Variants in ZNF532 observed in about 807,000 individuals in gnomAD.
The protein encoded by ZNF532 is zinc finger protein 532.
A neutral mutation model predicts 89.3 loss-of-function variants in ZNF532; 22 were observed. That is an observed-to-expected ratio of 0.25 (90% CI 0.18 to 0.35). ZNF532 has a LOEUF of 0.35. Ranked by LOEUF, ZNF532 falls within the 10% of genes least tolerant of loss-of-function variation. The pLI is 1.00. For missense variants in ZNF532, 1,132 were observed against 1,643.4 expected, an observed-to-expected ratio of 0.69 and a Z score of 5.38; for synonymous variants, 606 against 649.6, an observed-to-expected ratio of 0.93 and a Z score of 1.02.
intron 3 of ZNF532, among the ~76,000 whole-genome samples, chr18:58,933,556 T>C (rs2062131986): frequency 6.6e-6 from 1 of 152,196 alleles, no homozygotes; most frequent in Admixed American, 6.5e-5. Context: ...CTGAAAGTAT[T>C]TAAACACAGT....
chr18:58,939,961 T>C (rs1406624536), intron 5 of ZNF532: 4 of 164,198 alleles, frequency 2.4e-5, no homozygotes, highest in Non-Finnish European at 4.0e-5. Flanking sequence ...TGGTGCGATC[T>C]TGGCTCACTG....
At chr18:58,875,644 GT>G (rs1352008337) in intron 2 of ZNF532, among the ~76,000 whole-genome samples, 1 of 152,156 alleles carries the variant, frequency 6.6e-6, no homozygotes, top group Non-Finnish European at 1.5e-5. Flanking sequence ...GGTTTGCTGT[GT>G]GCTGGATGCC....
intron 3 of ZNF532, 102 bp downstream of exon 3, chr18:58,920,735 CGTGTGTGTG>C (rs2060980341): frequency 7.2e-6 from 3 of 419,294 alleles, no homozygotes; most frequent in Non-Finnish European, 1.2e-5. Context: ...GTGAAATGGA[CGTGTGTGTG>C]TGTGTGTGTG....
intron 6 of ZNF532, 152 bp from the exon 7 acceptor site, chr18:58,953,366 A>G (rs543130510): frequency 1.5e-6 from 1 of 676,226 alleles, no homozygotes; most frequent in Non-Finnish European, 2.4e-6. Context: ...TGAAATGTAT[A>G]TTTAGCTTAG....
chr18:58,898,376 A>C (rs918437167), intron 2 of ZNF532, among the ~76,000 whole-genome samples: 4 of 152,238 alleles, frequency 2.6e-5, no homozygotes, highest in Non-Finnish European at 5.9e-5. Context: ...CAAGAGTACT[A>C]ATGGAGACCA....
intron 2 of ZNF532, among the ~76,000 whole-genome samples, chr18:58,873,813 G>GAC (rs1203470915): frequency 3.8e-4 from 58 of 152,312 alleles, no homozygotes; most frequent in Admixed American, 2.7e-3. Context: ...AAATCTGAGT[G>GAC]ATAAAGGCCA....
intron 9 of ZNF532, 149 bp downstream of exon 9, chr18:58,981,766 A>C: frequency 9.9e-7 from 1 of 1,006,674 alleles, no homozygotes; most frequent in Non-Finnish European, 1.5e-6. Context: ...CCACTTTGGG[A>C]GGCCGAGGCG....
chr18:58,953,141 T>G (rs2064388620), intron 6 of ZNF532: 1 of 170,364 alleles, frequency 5.9e-6, no homozygotes, highest in Non-Finnish European at 1.3e-5. Context: ...ATTTAAACAT[T>G]TCCAGGCTGA....
intron 6 of ZNF532, among the ~76,000 whole-genome samples, chr18:58,950,063 A>C (rs1371810421): frequency 6.6e-6 from 1 of 152,264 alleles, no homozygotes; most frequent in Non-Finnish European, 1.5e-5. Flanking sequence ...GCTAATAAAA[A>C]TTTAGGGATG....
chr18:58,877,525 C>T (rs1003340197), intron 2 of ZNF532, among the ~76,000 whole-genome samples: 1 of 152,218 alleles, frequency 6.6e-6, no homozygotes, highest in Non-Finnish European at 1.5e-5. Flanking sequence ...TTAACTTCCC[C>T]ATCTCTCTAC....
intron 7 of ZNF532, among the ~76,000 whole-genome samples, chr18:58,975,321 G>A (rs1367073601): frequency 1.3e-5 from 2 of 152,184 alleles, no homozygotes; most frequent in Admixed American, 1.3e-4. Context: ...CAGATACCTC[G>A]TGGAGGTAGG....
chr18:58,870,077 T>G (rs2056854856), intron 2 of ZNF532, among the ~76,000 whole-genome samples: 3 of 149,822 alleles, frequency 2.0e-5, no homozygotes, highest in Admixed American at 6.7e-5. Context: ...AGGTTGTTTT[T>G]TTTTTTTTTT....
chr18:58,941,990 C>CCCT (rs1555739645), intron 5 of ZNF532, among the ~76,000 whole-genome samples: 7 of 125,658 alleles, frequency 5.6e-5, no homozygotes, highest in Non-Finnish European at 1.0e-4. Context: ...TTCCCTCCTT[C>CCCT]CCTTCCTTCC....
chr18:58,927,575 C>G (rs960018998), intron 3 of ZNF532, among the ~76,000 whole-genome samples: 1 of 151,960 alleles, frequency 6.6e-6, no homozygotes, highest in African/African-American at 2.4e-5. Flanking sequence ...CTTGAGATCC[C>G]TAGCTAACCT....
intron 2 of ZNF532, among the ~76,000 whole-genome samples, chr18:58,916,403 T>G (rs2060604077): frequency 6.6e-6 from 1 of 152,220 alleles, no homozygotes; most frequent in Non-Finnish European, 1.5e-5. Context: ...TATTTGTACG[T>G]CAGTATCCCT....
chr18:58,959,815 T>C lies in ZNF532; in HGVS notation c.3150+6016T>C, dbSNP rs1008055860. Reference sequence around the variant, plus strand: ...ATAATAGATGTTTTTCTCTCTATACTGTATTTCCTCTCTGAACACTATAGA... The same window carrying C: ...ATAATAGATGTTTTTCTCTCTATACCGTATTTCCTCTCTGAACACTATAGA... On this transcript the variant is annotated intron_variant, in intron 7 of 9. Transcript: ENST00000591808. 2.0e-5 allele frequency among the ~76,000 whole-genome samples: 3 copies of C among 152,270 alleles called. No homozygotes were observed. In the South Asian group the frequency reaches 6.2e-4, roughly 31 times the overall value.
intron 7 of ZNF532, among the ~76,000 whole-genome samples, chr18:58,969,873 CTTT>C (rs10617418): frequency 0.08 from 6,685 of 83,762 alleles, 47 homozygotes; most frequent in African/African-American, 0.089. Flanking sequence ...ATATTTGTCC[CTTT>C]TTTTTTTTTT....
chr18:58,974,711 CTG>C (rs1603338637), intron 7 of ZNF532, among the ~76,000 whole-genome samples: 1 of 152,216 alleles, frequency 6.6e-6, no homozygotes, highest in Non-Finnish European at 1.5e-5. Flanking sequence ...TCCCTCTCAA[CTG>C]TGGGTCACAT....
At chr18:58,875,593 G>A (rs2057358268) in intron 2 of ZNF532, among the ~76,000 whole-genome samples, 2 of 152,182 alleles carry the variant, frequency 1.3e-5, no homozygotes, top group South Asian at 4.1e-4. Flanking sequence ...CACTGGGTTG[G>A]TGTTTGCTTC....
Sources: gnomAD v4.1 joint callset for allele counts (sites outside exome capture counted in the v4.1 genomes callset) on GRCh38, gnomAD v4.1.1 for gene constraint, MANE v1.5 for transcripts, NCBI Gene and HGNC (gene_info 2026-07-23, HGNC 2026-07-21) for gene names.